Variants in FIRRM observed in about 807,000 individuals in gnomAD.
FIRRM encodes the protein FIGNL1 interacting regulator of recombination and mitosis, also known as FIGNL1-interacting regulator of recombination and mitosis.
the FIRRM span, chr1:169,853,052 T>C: frequency 6.6e-7 from 1 of 1,508,964 alleles, no homozygotes; most frequent in Admixed American, 1.8e-5. Context: ...GTCTGTACAT[T>C]TTCTAACAGA....
the FIRRM span, among the ~76,000 whole-genome samples, chr1:169,846,002 C>G: frequency 6.6e-6 from 1 of 152,188 alleles, no homozygotes; most frequent in Admixed American, 6.5e-5. Context: ...AAACGTATTT[C>G]TTAAACAGTA....
the FIRRM span, among the ~76,000 whole-genome samples, chr1:169,785,728 CA>C: frequency 6.6e-6 from 1 of 151,970 alleles, no homozygotes; most frequent in African/African-American, 2.4e-5. Context: ...TTTTTAGGTG[CA>C]AAAAACAGGA....
chr1:169,795,092 T>G, the FIRRM span: 1 of 1,534,244 alleles, frequency 6.5e-7, no homozygotes, highest in East Asian at 2.4e-5. Flanking sequence ...GCTCTCCTGT[T>G]TGACGAAAGT....
chr1:169,832,607 T>A, the FIRRM span: 1 of 878,196 alleles, frequency 1.1e-6, no homozygotes, highest in South Asian at 1.6e-5. Context: ...AAAATTTATC[T>A]TATTATTTTT....
chr1:169,789,702 G>A, the FIRRM span, among the ~76,000 whole-genome samples: 38,234 of 151,988 alleles, frequency 0.25, 4,887 homozygotes, highest in South Asian at 0.33. Flanking sequence ...AATGGGATGA[G>A]AGAGAGTGGA....
At chr1:169,807,996 T>G in the FIRRM span, 2 of 1,436,468 alleles carry the variant, frequency 1.4e-6, no homozygotes, top group Non-Finnish European at 1.9e-6. Flanking sequence ...GTAAATCTCA[T>G]TTGAATGTCT....
At chr1:169,829,510 T>C in the FIRRM span, 1 of 1,456,384 alleles carries the variant, frequency 6.9e-7, no homozygotes, top group Non-Finnish European at 9.2e-7. Flanking sequence ...TTCATTGAAA[T>C]TGTGATTCAT....
chr1:169,788,427 C>G, the FIRRM span, among the ~76,000 whole-genome samples: 1 of 152,186 alleles, frequency 6.6e-6, no homozygotes, highest in Non-Finnish European at 1.5e-5. Flanking sequence ...TTTCTTCTCT[C>G]TAGCTTAATT....
the FIRRM span, among the ~76,000 whole-genome samples, chr1:169,836,658 CTAA>C: frequency 6.6e-6 from 1 of 152,082 alleles, no homozygotes; most frequent in Non-Finnish European, 1.5e-5. Context: ...TCTGACATAA[CTAA>C]TAATGAAATA....
the FIRRM span, chr1:169,795,190 C>T: frequency 6.5e-7 from 1 of 1,536,064 alleles, no homozygotes; most frequent in Non-Finnish European, 8.7e-7. Context: ...CCGGGAACTG[C>T]CGTCCGTCCT....
chr1:169,852,075 T>C, the FIRRM span: 2 of 1,206,096 alleles, frequency 1.7e-6, no homozygotes, highest in Non-Finnish European at 2.4e-6. Flanking sequence ...TAAAATTCTG[T>C]TTTATGGTAG....
the FIRRM span, among the ~76,000 whole-genome samples, chr1:169,788,783 T>A: frequency 6.6e-6 from 1 of 152,258 alleles, no homozygotes; most frequent in African/African-American, 2.4e-5. Context: ...TGCCCCACTT[T>A]CTTTAGTAAT....
chr1:169,798,577 C>T, the FIRRM span, among the ~76,000 whole-genome samples: 1 of 151,778 alleles, frequency 6.6e-6, no homozygotes, highest in African/African-American at 2.4e-5. Flanking sequence ...CCGAGCGAGA[C>T]CCTCTCTCTA....
At chr1:169,846,439 T>G in the FIRRM span, among the ~76,000 whole-genome samples, 1 of 152,160 alleles carries the variant, frequency 6.6e-6, no homozygotes, top group Non-Finnish European at 1.5e-5. Flanking sequence ...GCTATGAAAA[T>G]CCTAGGTAGC....
the FIRRM span, chr1:169,829,169 G>GCTTAAAC: frequency 1.8e-6 from 2 of 1,139,998 alleles, no homozygotes; most frequent in African/African-American, 1.6e-5. Flanking sequence ...AACATTTTCT[G>GCTTAAAC]CTTAAACAAC....
At chr1:169,826,761 T>G in the FIRRM span, among the ~76,000 whole-genome samples, 2 of 152,222 alleles carry the variant, frequency 1.3e-5, no homozygotes, top group African/African-American at 4.8e-5. Context: ...TTTTATAGTA[T>G]TTTTAAGGAT....
chr1:169,835,693 T>A, the FIRRM span, among the ~76,000 whole-genome samples: 1 of 152,240 alleles, frequency 6.6e-6, no homozygotes, highest in Non-Finnish European at 1.5e-5. Context: ...ATAACAAATT[T>A]TGGCAATACC....
chr1:169,828,824 G>A, the FIRRM span, among the ~76,000 whole-genome samples: 2 of 152,170 alleles, frequency 1.3e-5, no homozygotes, highest in Non-Finnish European at 2.9e-5. Context: ...GGGATTACAG[G>A]CGTGAGCCAC....
At chr1:169,811,278 A>G in the FIRRM span, among the ~76,000 whole-genome samples, 15 of 152,208 alleles carry the variant, frequency 9.9e-5, no homozygotes, top group Admixed American at 3.9e-4. Context: ...AGAAATTTGT[A>G]TTATTCAGAA....
Sources: gnomAD v4.1 joint callset for allele counts (sites outside exome capture counted in the v4.1 genomes callset) on GRCh38, gnomAD v4.1.1 for gene constraint, MANE v1.5 for transcripts, NCBI Gene and HGNC (gene_info 2026-07-23, HGNC 2026-07-21) for gene names.